SLC4A4: variants seen among roughly 807,000 people sequenced by gnomAD.
SLC4A4 encodes solute carrier family 4 member 4.
Under a neutral mutation model 111.5 loss-of-function variants are expected in SLC4A4, and 27 were observed. The observed-to-expected ratio is 0.24, with a 90% CI of 0.18 to 0.33. SLC4A4 has a LOEUF of 0.33. Among genes scored for constraint, SLC4A4 ranks in the 10% least tolerant of loss-of-function variants. The probability of loss-of-function intolerance (pLI) is 1.00; values close to 1 mark genes in which losing one functional copy is unlikely to be tolerated. For synonymous variants in SLC4A4, 443 were observed against 463.4 expected, an observed-to-expected ratio of 0.96 and a Z score of 0.57; for missense variants, 909 against 1,315.5, an observed-to-expected ratio of 0.69 and a Z score of 4.78.
chr4:71,205,127 C>T (rs139265219), intron 1 of SLC4A4, among the ~76,000 whole-genome samples: 98 of 152,250 alleles, frequency 6.4e-4, no homozygotes, highest in African/African-American at 2.1e-3. Context: ...GTGTTGCCAG[C>T]GTCAGAATAT....
intron 1 of SLC4A4, among the ~76,000 whole-genome samples, chr4:71,085,779 C>A (rs1359739131): frequency 6.6e-6 from 1 of 152,056 alleles, no homozygotes; most frequent in African/African-American, 2.4e-5. Context: ...GTTTTGGTAC[C>A]AATACCATGC....
chr4:71,177,006 A>G lies in SLC4A4; in HGVS notation c.-1-59570A>G, dbSNP rs530657296. ...TGGCAGAAACTCTACAAGCCAGAAG[A>G]GAGTGGGGGCCAATATTCAACATTC... On this transcript the variant is annotated intron_variant, in intron 2 of 26. Coordinates refer to the SLC4A4 transcript ENST00000649996. Among the ~76,000 whole-genome samples the G allele has an allele frequency of 2.0e-5, 3 of 152,354 alleles. No homozygotes were observed. The East Asian group carries it at 5.8e-4, about 29-fold the overall frequency.
intron 12 of SLC4A4, among the ~76,000 whole-genome samples, chr4:71,453,923 C>G (rs1338921570): frequency 6.6e-6 from 1 of 152,070 alleles, no homozygotes; most frequent in Non-Finnish European, 1.5e-5. Flanking sequence ...ATATACAATT[C>G]TATTTGGGCA....
At chr4:71,565,871 A>G (rs1047580500) in intron 24 of SLC4A4, among the ~76,000 whole-genome samples, 2 of 151,822 alleles carry the variant, frequency 1.3e-5, no homozygotes, top group Non-Finnish European at 2.9e-5. Context: ...ACCTGTGGGT[A>G]TCTCCGTAGG....
intron 21 of SLC4A4, among the ~76,000 whole-genome samples, chr4:71,556,675 C>T (rs1297360087): frequency 6.6e-6 from 1 of 151,840 alleles, no homozygotes; most frequent in African/African-American, 2.4e-5. Context: ...GGTAAGATTT[C>T]ATTTAGAAAA....
At chr4:71,456,813 G>A (rs934479913) in intron 12 of SLC4A4, among the ~76,000 whole-genome samples, 5 of 152,146 alleles carry the variant, frequency 3.3e-5, no homozygotes. Flanking sequence ...GGCTTATTTA[G>A]GGGATGAAGT....
intron 2 of SLC4A4, among the ~76,000 whole-genome samples, chr4:71,169,970 C>T (rs143385444): frequency 6.7e-4 from 102 of 152,328 alleles, no homozygotes; most frequent in African/African-American, 2.4e-3. Flanking sequence ...TGCTCATTCA[C>T]TGTGCTCTAC....
chr4:71,101,060 G>C (rs1486560492), intron 2 of SLC4A4, among the ~76,000 whole-genome samples: 3 of 151,948 alleles, frequency 2.0e-5, no homozygotes, highest in Non-Finnish European at 4.4e-5. Context: ...GAGATTGAGA[G>C]CATCCTGGCT....
At chr4:71,562,386 CATGGAT>C (rs1253097127) in intron 23 of SLC4A4, among the ~76,000 whole-genome samples, 1 of 151,694 alleles carries the variant, frequency 6.6e-6, no homozygotes, top group Non-Finnish European at 1.5e-5. Flanking sequence ...GTTTGGGGCC[CATGGAT>C]ATAGGGAGTC....
At chr4:71,332,678 C>A (rs545339257) in intron 3 of SLC4A4, among the ~76,000 whole-genome samples, 1 of 151,948 alleles carries the variant, frequency 6.6e-6, no homozygotes, top group East Asian at 1.9e-4. Flanking sequence ...GTGATCCGCC[C>A]GCCTCGGCCT....
At chr4:71,494,962 G>A (rs1390784963) in intron 15 of SLC4A4, among the ~76,000 whole-genome samples, 1 of 152,040 alleles carries the variant, frequency 6.6e-6, no homozygotes, top group Non-Finnish European at 1.5e-5. Context: ...TTGTTTATTA[G>A]CTAGAATTTA....
intron 7 of SLC4A4, among the ~76,000 whole-genome samples, chr4:71,423,931 G>T (rs930241909): frequency 1.3e-5 from 2 of 152,126 alleles, no homozygotes; most frequent in Non-Finnish European, 2.9e-5. Context: ...ATAGGCATGG[G>T]CAAGGACTTC....
chr4:71,213,363 G>A (rs1718244706), intron 1 of SLC4A4, among the ~76,000 whole-genome samples: 1 of 152,186 alleles, frequency 6.6e-6, no homozygotes, highest in African/African-American at 2.4e-5. Flanking sequence ...AGCTGGTAAA[G>A]CAGACATAGA....
intron 16 of SLC4A4, among the ~76,000 whole-genome samples, chr4:71,501,683 A>T (rs1578055440): frequency 6.6e-6 from 1 of 151,306 alleles, no homozygotes. Flanking sequence ...TTGTTTTGAG[A>T]CAGAGTCCCT....
intron 3 of SLC4A4, among the ~76,000 whole-genome samples, chr4:71,284,335 A>G (rs1045788434): frequency 6.6e-6 from 1 of 152,224 alleles, no homozygotes; most frequent in Admixed American, 6.5e-5. Context: ...CTGACTGATC[A>G]TAATTCACAC....
At chr4:71,114,023 G>A (rs1003440125) in intron 2 of SLC4A4, among the ~76,000 whole-genome samples, 5 of 152,036 alleles carry the variant, frequency 3.3e-5, no homozygotes, top group East Asian at 3.9e-4. Flanking sequence ...CGAGGCCGGC[G>A]GATCACGAGG....
rs1706827943 is a variant in SLC4A4 at position 71,164,464 on chromosome 4, A to C, written c.-2+71672A>C. Among the ~76,000 whole-genome samples, 4 of 152,274 alleles carry C rather than the reference A, an allele frequency of 2.6e-5. No homozygotes were observed. The South Asian group carries it at 8.3e-4, about 32-fold the overall frequency. The stretch of plus-strand genomic sequence containing the variant: ...ACATGACATAGTAAGTCCCAAAATA[A>C]AAATTTCTATATAGCAGCTGGAACA... On this transcript the variant is annotated intron_variant, in intron 2 of 26. Transcript: ENST00000649996.
chr4:71,103,898 A>C, intron 2 of SLC4A4, among the ~76,000 whole-genome samples: 1 of 131,478 alleles, frequency 7.6e-6, no homozygotes, highest in African/African-American at 2.9e-5. Context: ...AAAAGCTAGC[A>C]GAAGGCAAGA....
intron 24 of SLC4A4, among the ~76,000 whole-genome samples, chr4:71,565,095 A>G (rs930045452): frequency 6.6e-6 from 1 of 151,612 alleles, no homozygotes; most frequent in East Asian, 2.0e-4. Flanking sequence ...AAGAATAGGG[A>G]CTCAAGGGCC....
Sources: allele counts gnomAD v4.1 joint callset (sites outside exome capture counted in the v4.1 genomes callset), GRCh38; gene constraint gnomAD v4.1.1; transcripts MANE v1.5; gene names NCBI Gene and HGNC (gene_info 2026-07-23, HGNC 2026-07-21).